The following HECTD4 variants were observed in gnomAD, a reference collection of about 807,000 sequenced individuals.
The protein encoded by HECTD4 is probable E3 ubiquitin-protein ligase HECTD4.
Under a neutral mutation model 471.5 loss-of-function variants are expected in HECTD4, and 114 were observed. That is an observed-to-expected ratio of 0.24 (90% CI 0.21 to 0.28). The LOEUF is 0.28. Ranked by LOEUF, HECTD4 falls within the 10% of genes least tolerant of loss-of-function variation. The pLI, the probability that HECTD4 is intolerant of heterozygous loss-of-function variation, is 1.00. For missense variants in HECTD4, 3,866 were observed against 5,651.5 expected, an observed-to-expected ratio of 0.68 and a Z score of 10.13; for synonymous variants, 2,012 against 2,256.0, an observed-to-expected ratio of 0.89 and a Z score of 3.07.
intron 1 of HECTD4, among the ~76,000 whole-genome samples, chr12:112,363,450 G>T (rs770834704): frequency 4.6e-5 from 7 of 152,084 alleles, no homozygotes; most frequent in Non-Finnish European, 7.3e-5. Context: ...AATGGACATA[G>T]AATAGGTTTA....
At chr12:112,262,354 T>C (rs1019723161) in intron 17 of HECTD4, among the ~76,000 whole-genome samples, 3 of 151,314 alleles carry the variant, frequency 2.0e-5, no homozygotes, top group Non-Finnish European at 4.4e-5. Context: ...CTACTAAAAT[T>C]TCAAAAATTA....
Position 112,162,299 on chromosome 12 carries a change from G to A in HECTD4, c.*88C>T. On this transcript the variant is annotated 3_prime_UTR_variant, in exon 76 of 76. Coordinates refer to ENST00000682272, the MANE Select transcript of HECTD4 (RefSeq NM_001388303.1). This position sits in a 1 kb window ranked among gnomAD's most constrained non-coding sequence, Gnocchi z 5.2. ...AAAATGTTGCCAACTCCTCACGCAG[G>A]GCCCTGGAGGGACGGGCCGCAGTGG... The A allele has an allele frequency of 6.6e-7, 1 of 1,503,940 alleles. No individual in the cohort carries two copies. 93.2% of individuals were successfully genotyped at this position (1,503,940 alleles called of 1,614,324 possible). A position where few individuals can be genotyped will look rare whatever the true frequency, so the allele number is the denominator to read the frequency against.
At chr12:112,379,041 C>CA (rs927070584) in intron 1 of HECTD4, among the ~76,000 whole-genome samples, 98 of 133,192 alleles carry the variant, frequency 7.4e-4, no homozygotes, top group Middle Eastern at 4.1e-3. Context: ...GACTCCGTCT[C>CA]AAAAAAAAAA....
intron 43 of HECTD4, 48 bp from the exon 44 acceptor site, chr12:112,226,806 G>A: frequency 7.4e-7 from 1 of 1,350,792 alleles, no homozygotes; most frequent in East Asian, 2.4e-5. Context: ...AGTGTTCATT[G>A]TCTAAAAAAG....
At chr12:112,208,097 C>T (rs535766499) in intron 51 of HECTD4, 97 bp from the exon 52 acceptor site, 1 of 1,342,636 alleles carries the variant, frequency 7.4e-7, no homozygotes, top group Non-Finnish European at 1.0e-6. Context: ...GTCTTCACCC[C>T]ACTTAAATGC....
chr12:112,379,205 G>C (rs1438162633), intron 1 of HECTD4, among the ~76,000 whole-genome samples: 5 of 152,314 alleles, frequency 3.3e-5, no homozygotes, highest in African/African-American at 7.2e-5. Context: ...AAAATATTAT[G>C]ATGAGGAGCA....
intron 27 of HECTD4, 147 bp downstream of exon 27, chr12:112,247,920 A>C: frequency 1.8e-6 from 1 of 566,416 alleles, no homozygotes; most frequent in Non-Finnish European, 3.0e-6. Context: ...AACCTCTTTT[A>C]AAGAATGGGT....
intron 35 of HECTD4, among the ~76,000 whole-genome samples, chr12:112,236,619 A>C (rs981412209): frequency 1.3e-5 from 2 of 152,202 alleles, no homozygotes; most frequent in African/African-American, 4.8e-5. Flanking sequence ...ATTCCTCTTT[A>C]ATCTTGCTAC....
In HECTD4 at chr12:112,194,819, C is replaced by T. The variant is rs1345116589; in HGVS notation, c.8749+66G>A. 7.0e-7 allele frequency: 1 copy of T among 1,437,462 alleles called. No homozygotes were observed. Among genetic ancestry groups the T allele is most frequent in the African/African-American group, 1.4e-5 (1 of 71,008 alleles). 89.0% of individuals were successfully genotyped at this position (1,437,462 alleles called of 1,614,324 possible). A position where few individuals can be genotyped will look rare whatever the true frequency, so the allele number is the denominator to read the frequency against. On this transcript the variant is annotated intron_variant, in intron 56 of 75. Coordinates refer to ENST00000682272, the MANE Select transcript of HECTD4 (RefSeq NM_001388303.1). The surrounding 1 kb of genome is among the most constrained non-coding windows in gnomAD (Gnocchi z 4.6). Reference sequence around the variant, plus strand: ...TTTCTCGCCCTCATGCAGGGAATGACTACACTGTGCACAGCGCCCGCCTGG... The same window carrying T: ...TTTCTCGCCCTCATGCAGGGAATGATTACACTGTGCACAGCGCCCGCCTGG...
chr12:112,231,640 G>C lies in HECTD4; in HGVS notation c.6073C>G (p.Leu2025Val), dbSNP rs1265027385. ...ACAGGTGGCCCAATGCTGACGATGA[G>C]GCCTGACTGTGCCCACTTGGTGGCT... Reference protein sequence around the residue: ...RKATKWAQSGLIVSIGPPVES... With the variant: ...RKATKWAQSGVIVSIGPPVES... The change falls in exon 39 of 76, where the codon CTC becomes GTC. Residue 2025 changes from leucine (L) to valine (V), a missense_variant. By Grantham distance (32) the Leu-to-Val change is conservative. Coordinates refer to ENST00000682272, the MANE Select transcript of HECTD4 (RefSeq NM_001388303.1). The C allele has an allele frequency of 6.2e-7, 1 of 1,613,876 alleles. No homozygotes were observed. Among genetic ancestry groups the C allele is most frequent in the Non-Finnish European group, 8.5e-7 (1 of 1,179,880 alleles).
At chr12:112,372,015 A>G (rs567935436) in intron 1 of HECTD4, among the ~76,000 whole-genome samples, 1 of 152,114 alleles carries the variant, frequency 6.6e-6, no homozygotes, top group East Asian at 1.9e-4. Flanking sequence ...TTCAAATACA[A>G]TAGGCAGCTG....
At chr12:112,360,984 C>T (rs898010987) in intron 1 of HECTD4, among the ~76,000 whole-genome samples, 12 of 58,642 alleles carry the variant, frequency 2.0e-4, no homozygotes, top group Non-Finnish European at 3.5e-4. Flanking sequence ...AACTCCGTCT[C>T]AAAAAAAAAA....
intron 52 of HECTD4, among the ~76,000 whole-genome samples, chr12:112,204,831 C>T (rs921886749): frequency 6.6e-6 from 1 of 152,134 alleles, no homozygotes; most frequent in Middle Eastern, 3.4e-3. Flanking sequence ...AAATCTCTTC[C>T]ACAGAAATAT....
intron 11 of HECTD4, among the ~76,000 whole-genome samples, chr12:112,273,243 C>A (rs892071288): frequency 2.0e-5 from 3 of 152,050 alleles, no homozygotes; most frequent in African/African-American, 7.2e-5. Context: ...TAAGAATGTT[C>A]ATATTAATAT....
chr12:112,341,834 AC>A (rs1412800378), intron 1 of HECTD4, among the ~76,000 whole-genome samples: 1 of 152,206 alleles, frequency 6.6e-6, no homozygotes, highest in Non-Finnish European at 1.5e-5. Context: ...TAGTCATTCA[AC>A]TCCCATCTTA....
At chr12:112,171,321 TCA>T in intron 67 of HECTD4, 58 bp from the exon 68 acceptor site, 1 of 1,552,490 alleles carries the variant, frequency 6.4e-7, no homozygotes, top group Non-Finnish European at 8.7e-7. Flanking sequence ...GATGCCTGAC[TCA>T]CAGGCAACAC....
chr12:112,279,080 G>A, intron 9 of HECTD4, 148 bp downstream of exon 9: 3 of 645,900 alleles, frequency 4.6e-6, no homozygotes, highest in Non-Finnish European at 7.7e-6. Context: ...AATCTTCCTA[G>A]CCTATTTGAT....
At position 112,258,541 on chromosome 12, in the gene HECTD4, G is replaced by A. The variant is rs774386728; in HGVS notation, c.3083C>T (p.Pro1028Leu). 1.4e-5 allele frequency: 22 copies of A among 1,605,850 alleles called. 1 individual carries two copies. In the South Asian group the frequency reaches 1.4e-4, roughly 11 times the overall value. Residue 1028 changes from proline (P) to leucine (L), a missense_variant, in exon 20 of 76, where the codon CCG (proline) becomes CTG (leucine). Pro to Leu is a moderately conservative substitution (Grantham distance 98). Around this residue, in one of 16 missense-constraint regions of HECTD4, gnomAD observed 525 missense variants for 672.6 expected, o/e 0.78. Transcript: ENST00000682272. ...GCACTTCTGGTCTGGTGCACCACACGGGGAACAGCCCACCTCAGCAAAAAC... is the reference window on the plus strand; with the variant it reads ...GCACTTCTGGTCTGGTGCACCACACAGGGAACAGCCCACCTCAGCAAAAAC... ...CPVFAEVGCS[P>L]CGAPDQKCRL...
Position 112,235,855 on chromosome 12 carries a change from C to T in HECTD4, c.5445-71G>A, listed in dbSNP as rs1307462730. 4.6e-6 allele frequency: 6 copies of T among 1,302,586 alleles called. No homozygotes were observed. The highest frequency in any genetic ancestry group is 6.3e-6 in the Non-Finnish European group (6 of 952,374). 80.7% of individuals were successfully genotyped at this position (1,302,586 alleles called of 1,614,324 possible). On this transcript the variant is annotated intron_variant, in intron 35 of 75. Coordinates refer to ENST00000682272, the MANE Select transcript of HECTD4 (RefSeq NM_001388303.1). This position sits in a 1 kb window ranked among gnomAD's most constrained non-coding sequence, Gnocchi z 5.0. ...CTATAGACATTCAGAAGCAAGAGTTCTCTGAATGAAACAAACCAATGAAAT... is the reference window on the plus strand; with the variant it reads ...CTATAGACATTCAGAAGCAAGAGTTTTCTGAATGAAACAAACCAATGAAAT...
Sources: gnomAD v4.1 joint callset for allele counts (sites outside exome capture counted in the v4.1 genomes callset) on GRCh38, gnomAD v4.1.1 for gene constraint, gnomAD v4.1.1 regional missense constraint, Gnocchi (gnomAD v3.1) non-coding constraint, MANE v1.5 for transcripts, NCBI Gene and HGNC (gene_info 2026-07-23, HGNC 2026-07-21) for gene names.